RAD9B: variants seen among roughly 807,000 people sequenced by gnomAD.
RAD9B encodes cell cycle checkpoint control protein RAD9B.
RAD9B carries 41 observed loss-of-function variants against 48.3 expected under a neutral mutation model. That is an observed-to-expected ratio of 0.85 (90% CI 0.66 to 1.10). The LOEUF (loss-of-function observed/expected upper bound fraction) is 1.10. Among genes scored for constraint, RAD9B ranks in the 50% least tolerant of loss-of-function variants. The pLI, the probability that RAD9B is intolerant of heterozygous loss-of-function variation, is 0.00. For synonymous variants in RAD9B, 160 were observed against 157.9 expected (o/e 1.01, Z -0.10); for missense variants, 444 against 485.1 (o/e 0.92, Z 0.80).
At chr12:110,508,946 C>T (rs1262258395) in intron 4 of RAD9B, among the ~76,000 whole-genome samples, 2 of 152,038 alleles carry the variant, frequency 1.3e-5, no homozygotes, top group Non-Finnish European at 2.9e-5. Flanking sequence ...AGGAGCGTGC[C>T]ACCATACCTG....
chr12:110,531,393 T>C lies in RAD9B; in HGVS notation c.*740T>C. On this transcript the variant is annotated 3_prime_UTR_variant, in exon 11 of 11. Coordinates refer to ENST00000409300, the MANE Select transcript of RAD9B (RefSeq NM_001286535.2). Reference sequence around the variant, plus strand: ...ATTTTGTAGAGACAGGGTTTCGCCATGTTGGCCAGGGTGGTCTTGAACTCC... The same window carrying C: ...ATTTTGTAGAGACAGGGTTTCGCCACGTTGGCCAGGGTGGTCTTGAACTCC... 2.0e-6 allele frequency: 1 copy of C among 496,416 alleles called. No individual in the cohort carries two copies. Among genetic ancestry groups the C allele is most frequent in the Non-Finnish European group, 3.5e-6 (1 of 287,984 alleles). 30.8% of individuals were successfully genotyped at this position (496,416 alleles called of 1,614,324 possible).
chr12:110,505,708 TAGTGAAAATG>T lies in RAD9B; in HGVS notation c.221_230del (p.Ser74AsnfsTer8), dbSNP rs768302090. The T allele has an allele frequency of 5.0e-6, 8 of 1,608,168 alleles. No individual in the cohort carries two copies. Among genetic ancestry groups the T allele is most frequent in the African/African-American group, 1.3e-5 (1 of 74,896 alleles). ...TTTCAGCATTATCAATGGTCAGCTT[TAGTGAAAATG>T]AGTGAAAATGAACTTGACACAACAC... On this transcript the variant is annotated frameshift_variant, in exon 3 of 11. Coordinates refer to ENST00000409300, the MANE Select transcript of RAD9B (RefSeq NM_001286535.2). LOFTEE classifies it high-confidence loss of function.
chr12:110,507,424 A>T (rs796231534), intron 4 of RAD9B, among the ~76,000 whole-genome samples: 1 of 141,198 alleles, frequency 7.1e-6, no homozygotes, highest in Admixed American at 7.6e-5. Context: ...ATAATATATA[A>T]TATATATGTA....
chr12:110,520,507 G>A (rs1037181977), intron 9 of RAD9B, among the ~76,000 whole-genome samples: 14 of 149,510 alleles, frequency 9.4e-5, no homozygotes, highest in South Asian at 6.4e-4. Flanking sequence ...TCACCACATC[G>A]GGCCTTTAGT....
chr12:110,522,863 A>G (rs1222468414), intron 10 of RAD9B, among the ~76,000 whole-genome samples: 1 of 152,210 alleles, frequency 6.6e-6, no homozygotes, highest in Admixed American at 6.5e-5. Context: ...CAAATATCAC[A>G]AATTCCTTCA....
rs1439579878 is a variant in RAD9B, at chr12:110,502,350, C to G, written c.13C>G (p.Leu5Val). The change falls in exon 1 of 11, where the codon CTG (leucine) becomes GTG (valine). Residue 5 changes from leucine (L) to valine (V), a missense_variant. Physicochemically the swap from Leu to Val is conservative, Grantham distance 32 (BLOSUM62 1). Coordinates refer to ENST00000409300, the MANE Select transcript of RAD9B (RefSeq NM_001286535.2). ...CTTTTTAGGGCGGATGGCAGCCATG[C>G]TGAAGTGCGTGATGAGCGGCAGTCA... MAAM[L>V]KCVMSGSQVK... is the part of the protein sequence containing the mutation. 1.2e-6 allele frequency: 2 copies of G among 1,613,692 alleles called. No individual in the cohort carries two copies.
At position 110,531,603 on chromosome 12, in the gene RAD9B, G is replaced by A; in HGVS notation, c.*950G>A. 6.2e-7 allele frequency: 1 copy of A among 1,610,858 alleles called. No homozygotes were observed. The highest frequency in any genetic ancestry group is 8.5e-7 in the Non-Finnish European group (1 of 1,178,062). On this transcript the variant is annotated 3_prime_UTR_variant, in exon 11 of 11. Coordinates refer to ENST00000409300, the MANE Select transcript of RAD9B (RefSeq NM_001286535.2). Reference sequence around the variant, plus strand: ...CTGCAGGAAAGAATTTAATGGAAGTGATGCCAAATATTTCTGTATTATCTG... The same window carrying A: ...CTGCAGGAAAGAATTTAATGGAAGTAATGCCAAATATTTCTGTATTATCTG...
chr12:110,506,289 C>T (rs368133625), intron 3 of RAD9B, among the ~76,000 whole-genome samples: 11 of 151,032 alleles, frequency 7.3e-5, no homozygotes, highest in South Asian at 6.3e-4. Flanking sequence ...CCCGGGTTCA[C>T]GCCATTCTCC....
At position 110,531,977 on chromosome 12, in the gene RAD9B, A is replaced by C. The variant is rs2135750129; in HGVS notation, c.*1324A>C. The C allele has an allele frequency of 4.2e-6, 1 of 239,494 alleles. No homozygotes were observed. The highest frequency in any genetic ancestry group is 1.2e-4 in the East Asian group (1 of 8,014). 14.8% of individuals were successfully genotyped at this position (239,494 alleles called of 1,614,324 possible). On this transcript the variant is annotated 3_prime_UTR_variant, in exon 11 of 11. Coordinates refer to ENST00000409300, the MANE Select transcript of RAD9B (RefSeq NM_001286535.2). Reference sequence around the variant, plus strand: ...GTGGCTGAGTGGATTTGCATGCTTTAGAACTGTGAATAGAGTTCTAACTGA... The same window carrying C: ...GTGGCTGAGTGGATTTGCATGCTTTCGAACTGTGAATAGAGTTCTAACTGA...
chr12:110,506,587 G>T lies in RAD9B; in HGVS notation c.282G>T (p.Leu94Phe), dbSNP rs1048920386. 1 of 1,502,602 alleles carries T rather than the reference G, an allele frequency of 6.7e-7. No individual in the cohort carries two copies. Among genetic ancestry groups the T allele is most frequent in the Admixed American group, 1.7e-5 (1 of 59,470 alleles). 93.1% of individuals were successfully genotyped at this position (1,502,602 alleles called of 1,614,324 possible). Residue 94 changes from leucine (L) to phenylalanine (F), a missense_variant, in exon 4 of 11, where the codon TTG (leucine) becomes TTT (phenylalanine). Leu to Phe is a conservative substitution (Grantham distance 22). Transcript: ENST00000409300. Reference sequence around the variant, plus strand: ...GTATATTTCTGTTACAGTCAATTTTGCCCATCTTTAGATGTCTGAATTCCC... The same window carrying T: ...GTATATTTCTGTTACAGTCAATTTTTCCCATCTTTAGATGTCTGAATTCCC... ...LKCKLGMKSILPIFRCLNSLE... is the reference protein window; with the variant it reads ...LKCKLGMKSIFPIFRCLNSLE...
Position 110,517,507 on chromosome 12 carries a change from C to G in RAD9B, c.596-1169C>G, listed in dbSNP as rs187225695. The stretch of plus-strand genomic sequence containing the variant: ...GACGTGGTGGTGTGTGCCTATAGTC[C>G]CAGTTACTCAGGGGGCTGAGGCAGG... On this transcript the variant is annotated intron_variant, in intron 6 of 10. Transcript: ENST00000409300. Among the ~76,000 whole-genome samples, 232 of 151,760 alleles carry G rather than the reference C, an allele frequency of 1.5e-3. 1 individual carries two copies. The highest frequency in any genetic ancestry group is 2.8e-3 in the Non-Finnish European group (188 of 67,926).
chr12:110,525,970 G>A (rs573796265), intron 10 of RAD9B, among the ~76,000 whole-genome samples: 71 of 151,998 alleles, frequency 4.7e-4, no homozygotes, highest in African/African-American at 1.6e-3. Flanking sequence ...GATTACAGGC[G>A]TGAGCCACTG....
chr12:110,518,949 G>T lies in RAD9B; in HGVS notation c.767+11G>T, dbSNP rs759463832. ...TGATTTCCCTGGGAAGTAGGTCCTT[G>T]AGAATTTTTCTGAGCTTGTTTCTTT... On this transcript the variant is annotated intron_variant, in intron 8 of 10. Coordinates refer to ENST00000409300, the MANE Select transcript of RAD9B (RefSeq NM_001286535.2). The T allele has an allele frequency of 6.0e-5, 92 of 1,530,132 alleles. 2 individuals carry two copies. The South Asian group carries it at 1.1e-3, about 18-fold the overall frequency. 94.8% of individuals were successfully genotyped at this position (1,530,132 alleles called of 1,614,324 possible).
chr12:110,527,306 C>T (rs898853334), intron 10 of RAD9B, among the ~76,000 whole-genome samples: 6 of 152,212 alleles, frequency 3.9e-5, no homozygotes, highest in Non-Finnish European at 1.5e-5. Flanking sequence ...ATTGGGCCCA[C>T]CTGGCTATTC....
chr12:110,529,463 TAAG>T (rs1165467793), intron 10 of RAD9B, among the ~76,000 whole-genome samples: 5 of 151,990 alleles, frequency 3.3e-5, no homozygotes, highest in Non-Finnish European at 7.4e-5. Context: ...ATTTTAAAGA[TAAG>T]AAGACTGAGC....
chr12:110,513,051 C>T (rs1048166999), intron 5 of RAD9B, among the ~76,000 whole-genome samples, 173 bp downstream of exon 5: 4 of 151,762 alleles, frequency 2.6e-5, no homozygotes, highest in African/African-American at 4.8e-5. Flanking sequence ...TTGCCAGCTC[C>T]GCCTCCTGGG....
At chr12:110,523,413 T>A (rs1325375604) in intron 10 of RAD9B, among the ~76,000 whole-genome samples, 1 of 152,058 alleles carries the variant, frequency 6.6e-6, no homozygotes, top group African/African-American at 2.4e-5. Flanking sequence ...GGCAACAGAG[T>A]GAGACACTGT....
Position 110,503,538 on chromosome 12 carries a change from A to G in RAD9B, c.47-268A>G, listed in dbSNP as rs759633815. On this transcript the variant is annotated intron_variant, in intron 1 of 10. Transcript: ENST00000409300. ...CATTAGTATGGAAATTGGTTTGCAC[A>G]GTAGCTCCATGCAACACTGTAAACA... 2.3e-4 allele frequency: 87 copies of G among 381,436 alleles called. 1 individual carries two copies. The highest frequency in any genetic ancestry group is 3.6e-4 in the Non-Finnish European group (75 of 209,904). The allele number at this position is 381,436 out of a possible 1,614,324, so 23.6% of individuals were successfully genotyped here. A position where few individuals can be genotyped will look rare whatever the true frequency, so the allele number is the denominator to read the frequency against.
In RAD9B at chr12:110,531,630, CAT is replaced by C. The variant is rs1383206648; in HGVS notation, c.*979_*980del. On this transcript the variant is annotated 3_prime_UTR_variant, in exon 11 of 11. Transcript: ENST00000409300. ...TGCCAAATATTTCTGTATTATCTGACATAGAACAGTATCCTCCACTGCCAAGA... is the reference window on the plus strand; with the variant it reads ...TGCCAAATATTTCTGTATTATCTGACAGAACAGTATCCTCCACTGCCAAGA... 6.8e-6 allele frequency: 11 copies of C among 1,610,528 alleles called. No individual in the cohort carries two copies. The highest frequency in any genetic ancestry group is 1.7e-5 in the Admixed American group (1 of 59,848).
Sources: gnomAD v4.1 joint callset for allele counts (sites outside exome capture counted in the v4.1 genomes callset) on GRCh38, gnomAD v4.1.1 for gene constraint, MANE v1.5 for transcripts, NCBI Gene and HGNC (gene_info 2026-07-23, HGNC 2026-07-21) for gene names.